VIPAS39: variants seen among roughly 807,000 people sequenced by gnomAD.
VIPAS39 encodes the protein spermatogenesis-defective protein 39 homolog.
A neutral mutation model predicts 84.7 loss-of-function variants in VIPAS39; 63 were observed. That is an observed-to-expected ratio of 0.74 (90% CI 0.61 to 0.92). The LOEUF is 0.92. Among genes scored for constraint, VIPAS39 ranks in the 40% least tolerant of loss-of-function variants. The pLI is 0.00. For synonymous variants in VIPAS39, 192 were observed against 216.5 expected, an observed-to-expected ratio of 0.89 and a Z score of 0.99; for missense variants, 499 against 604.5, an observed-to-expected ratio of 0.83 and a Z score of 1.83.
rs117306705 is a variant in VIPAS39, at chr14:77,438,473, C to T, written c.763-592G>A. Among the ~76,000 whole-genome samples, 1,082 of 152,332 alleles carry T rather than the reference C, an allele frequency of 7.1e-3. 19 individuals carry two copies. Among genetic ancestry groups the T allele is most frequent in the South Asian group, 0.037 (180 of 4,830 alleles). On this transcript the variant is annotated intron_variant, in intron 11 of 19. Transcript: ENST00000557658. ...CGAACTCCAGACCTCAGGTGACCTGCCCAACTTGGTCTCCCAGTGTGCTGG... is the reference window on the plus strand; with the variant it reads ...CGAACTCCAGACCTCAGGTGACCTGTCCAACTTGGTCTCCCAGTGTGCTGG...
Position 77,428,607 on chromosome 14 carries a change from T to C in VIPAS39, c.1357-133A>G, listed in dbSNP as rs1594889479. On this transcript the variant is annotated intron_variant, in intron 18 of 19. Transcript: ENST00000557658. Reference sequence around the variant, plus strand: ...GCTCCTGAGTAGCTGGAACTACTGGTGTGTGCTACTGTGTACACATGAGGG... The same window carrying C: ...GCTCCTGAGTAGCTGGAACTACTGGCGTGTGCTACTGTGTACACATGAGGG... 9 of 743,398 alleles carry C rather than the reference T, an allele frequency of 1.2e-5. No homozygotes were observed. In the East Asian group the frequency reaches 1.6e-4, roughly 13 times the overall value. 46.1% of individuals were successfully genotyped at this position (743,398 alleles called of 1,614,324 possible).
chr14:77,437,758 C>T (rs1051768955), intron 12 of VIPAS39, 50 bp downstream of exon 12: 2 of 1,579,532 alleles, frequency 1.3e-6, no homozygotes, highest in African/African-American at 2.7e-5. Context: ...TTCTTCATTC[C>T]TTCTGGGTAA....
chr14:77,448,112 AC>A (rs1566735859), intron 7 of VIPAS39, among the ~76,000 whole-genome samples: 2 of 145,702 alleles, frequency 1.4e-5, no homozygotes, highest in African/African-American at 5.1e-5. Context: ...CTGCCACCAC[AC>A]CCGGCTAATT....
intron 7 of VIPAS39, among the ~76,000 whole-genome samples, chr14:77,447,652 G>T (rs141917787): frequency 0.019 from 2,957 of 152,192 alleles, 49 homozygotes; most frequent in Middle Eastern, 0.044. Flanking sequence ...ATAAAAGATT[G>T]TTCTCACTCT....
chr14:77,453,520 T>G, intron 2 of VIPAS39, 119 bp from the exon 3 acceptor site: 1 of 926,230 alleles, frequency 1.1e-6, no homozygotes, highest in Non-Finnish European at 1.8e-6. Context: ...CCCTGTGCAA[T>G]CGAAAGCCTA....
intron 3 of VIPAS39, among the ~76,000 whole-genome samples, chr14:77,451,655 A>G (rs1334542005): frequency 6.6e-6 from 1 of 152,064 alleles, no homozygotes; most frequent in African/African-American, 2.4e-5. Flanking sequence ...GCTATTCACA[A>G]TCATATCTAA....
intron 3 of VIPAS39, among the ~76,000 whole-genome samples, 187 bp downstream of exon 3, chr14:77,453,112 T>C (rs1351078641): frequency 6.6e-6 from 1 of 152,200 alleles, no homozygotes; most frequent in Admixed American, 6.5e-5. Context: ...TATATAGCCA[T>C]GTGGGAACTC....
chr14:77,432,072 G>C (rs1269102461), intron 16 of VIPAS39, among the ~76,000 whole-genome samples: 1 of 152,154 alleles, frequency 6.6e-6, no homozygotes, highest in Admixed American at 6.5e-5. Flanking sequence ...GTACTGTACT[G>C]TAATCAGGAG....
At chr14:77,451,823 C>G (rs1235589133) in intron 3 of VIPAS39, among the ~76,000 whole-genome samples, 1 of 152,070 alleles carries the variant, frequency 6.6e-6, no homozygotes, top group African/African-American at 2.4e-5. Context: ...GGGAAAGATC[C>G]AAAAGCTTGA....
intron 17 of VIPAS39, among the ~76,000 whole-genome samples, chr14:77,429,353 T>C (rs926477397): frequency 2.0e-5 from 3 of 152,216 alleles, no homozygotes; most frequent in Non-Finnish European, 4.4e-5. Flanking sequence ...ATGAGTGCTC[T>C]AGCTGTGATC....
chr14:77,442,732 T>C lies in VIPAS39; in HGVS notation c.632-70A>G, dbSNP rs190119525. 234 of 1,314,456 alleles carry C rather than the reference T, an allele frequency of 1.8e-4. 2 individuals are homozygous for C. The East Asian group carries it at 3.8e-3, about 21-fold the overall frequency. The allele number at this position is 1,314,456 out of a possible 1,614,324, so 81.4% of individuals were successfully genotyped here. ...TAGTCAAGTGTGAAATTGGTCTCCC[T>C]ACTCACACATTCCAAATATTATCTC... On this transcript the variant is annotated intron_variant, in intron 9 of 19. Transcript: ENST00000557658.
chr14:77,442,750 A>G (rs1274731849), intron 9 of VIPAS39, 88 bp from the exon 10 acceptor site: 6 of 1,173,268 alleles, frequency 5.1e-6, no homozygotes, highest in Non-Finnish European at 7.6e-6. Context: ...CATTCCAAAT[A>G]TTATCTCATC....
At chr14:77,449,440 T>A in intron 5 of VIPAS39, 83 bp from the exon 6 acceptor site, 1 of 1,542,640 alleles carries the variant, frequency 6.5e-7, no homozygotes, top group Admixed American at 1.7e-5. Flanking sequence ...CGTTCTCACA[T>A]TTTTTTGACT....
chr14:77,442,383 A>G (rs1392236077), intron 10 of VIPAS39, among the ~76,000 whole-genome samples, 177 bp downstream of exon 10: 1 of 152,232 alleles, frequency 6.6e-6, no homozygotes, highest in African/African-American at 2.4e-5. Flanking sequence ...TTCTTAACCA[A>G]CTTGCACCTT....
intron 3 of VIPAS39, 26 bp downstream of exon 3, chr14:77,453,273 C>G (rs777793600): frequency 3.1e-6 from 5 of 1,606,916 alleles, no homozygotes; most frequent in Non-Finnish European, 4.3e-6. Context: ...CAACATCTAT[C>G]CCTGCCTAGG....
intron 16 of VIPAS39, among the ~76,000 whole-genome samples, chr14:77,431,528 T>C (rs541366690): frequency 6.6e-6 from 1 of 152,142 alleles, no homozygotes; most frequent in African/African-American, 2.4e-5. Flanking sequence ...AATGATGTGT[T>C]AGCAAGGGTG....
intron 16 of VIPAS39, among the ~76,000 whole-genome samples, chr14:77,430,147 A>G (rs1314601772): frequency 6.6e-6 from 1 of 152,220 alleles, no homozygotes; most frequent in African/African-American, 2.4e-5. Flanking sequence ...AAAGCTACCC[A>G]TTAAACTTTT....
At chr14:77,442,120 C>A (rs1237218907) in intron 10 of VIPAS39, among the ~76,000 whole-genome samples, 1 of 152,134 alleles carries the variant, frequency 6.6e-6, no homozygotes, top group Admixed American at 6.6e-5. Flanking sequence ...ATAAAAGATA[C>A]CTTTATTCTA....
intron 11 of VIPAS39, among the ~76,000 whole-genome samples, chr14:77,438,984 T>G (rs1384787303): frequency 6.6e-6 from 1 of 152,226 alleles, no homozygotes; most frequent in Non-Finnish European, 1.5e-5. Context: ...AAATAGTTGG[T>G]ATACAATCAT....
Sources: gnomAD v4.1 joint callset for allele counts (sites outside exome capture counted in the v4.1 genomes callset) on GRCh38, gnomAD v4.1.1 for gene constraint, MANE v1.5 for transcripts, NCBI Gene and HGNC (gene_info 2026-07-23, HGNC 2026-07-21) for gene names.